The following PCDH15 variants were observed in gnomAD, a reference collection of about 807,000 sequenced individuals.
The protein encoded by PCDH15 is protocadherin related 15.
Under a neutral mutation model 178.5 loss-of-function variants are expected in PCDH15, and 129 were observed. The ratio of observed to expected loss-of-function variants is 0.72; its 90% CI spans 0.63 to 0.84. The LOEUF (loss-of-function observed/expected upper bound fraction) is 0.84, where lower values mean the gene tolerates loss of function less well. Among genes scored for constraint, PCDH15 ranks in the 40% least tolerant of loss-of-function variants. The pLI is 0.00. For missense variants in PCDH15, 2,230 were observed against 2,099.9 expected (o/e 1.06, Z -1.21); for synonymous variants, 800 against 732.0 (o/e 1.09, Z -1.50).
Position 55,040,315 on chromosome 10 carries a change from G to A in PCDH15, c.-80+126261C>T, listed in dbSNP as rs74136334. The stretch of plus-strand genomic sequence containing the variant: ...AAAGAAAACAGACAGGCTGACACAG[G>A]CTTGAAAGAATGGTGGGCACTCTCC... On this transcript the variant is annotated intron_variant, in intron 2 of 5. Coordinates refer to the PCDH15 transcript ENST00000458638. Among the ~76,000 whole-genome samples the A allele has an allele frequency of 4.9e-3, 748 of 152,092 alleles. 3 individuals are homozygous for A. Among genetic ancestry groups the A allele is most frequent in the African/African-American group, 0.017 (717 of 41,492 alleles).
At chr10:54,294,958 A>G (rs1015641214) in intron 8 of PCDH15, among the ~76,000 whole-genome samples, 1 of 152,194 alleles carries the variant, frequency 6.6e-6, no homozygotes, top group African/African-American at 2.4e-5. Context: ...AGTTGGTGCA[A>G]GTATGCCTAT....
intron 2 of PCDH15, among the ~76,000 whole-genome samples, chr10:55,616,103 G>A (rs185342357): frequency 6.5e-4 from 99 of 152,250 alleles, no homozygotes; most frequent in South Asian, 2.1e-3. Flanking sequence ...CCATTACCAT[G>A]CAGCAAAGTT....
intron 2 of PCDH15, among the ~76,000 whole-genome samples, chr10:54,906,336 A>AT (rs543952555): frequency 1.3e-5 from 2 of 152,168 alleles, no homozygotes; most frequent in East Asian, 3.9e-4. Context: ...CGATTAGATT[A>AT]TTTTTTTATT....
At chr10:55,186,138 T>C (rs899738635) in intron 1 of PCDH15, among the ~76,000 whole-genome samples, 3 of 151,526 alleles carry the variant, frequency 2.0e-5, no homozygotes, top group Admixed American at 1.3e-4. Flanking sequence ...AATTAAAATT[T>C]ATAAGACTAT....
chr10:54,454,704 A>T (rs1250205027), intron 3 of PCDH15, among the ~76,000 whole-genome samples: 1 of 152,192 alleles, frequency 6.6e-6, no homozygotes, highest in Non-Finnish European at 1.5e-5. Flanking sequence ...AAAGAAACCC[A>T]GACACACATT....
intron 11 of PCDH15, among the ~76,000 whole-genome samples, chr10:54,187,961 A>G (rs1466358593): frequency 6.6e-6 from 1 of 151,836 alleles, no homozygotes; most frequent in African/African-American, 2.4e-5. Flanking sequence ...TTATGTTCCA[A>G]ATATTACAGC....
chr10:54,218,571 G>A (rs1032401031), intron 9 of PCDH15, among the ~76,000 whole-genome samples: 2 of 152,166 alleles, frequency 1.3e-5, no homozygotes, highest in African/African-American at 2.4e-5. Flanking sequence ...GAAAGGCCAT[G>A]TGAAGACACA....
chr10:54,296,320 A>T (rs56289006), intron 8 of PCDH15, among the ~76,000 whole-genome samples: 2 of 151,586 alleles, frequency 1.3e-5, no homozygotes, highest in Non-Finnish European at 2.9e-5. Context: ...AGCCGAGGGT[A>T]GACAGAGTGG....
At chr10:54,490,340 C>A (rs1237821228) in intron 3 of PCDH15, among the ~76,000 whole-genome samples, 2 of 151,940 alleles carry the variant, frequency 1.3e-5, no homozygotes, top group Non-Finnish European at 2.9e-5. Flanking sequence ...GTCCCAACTA[C>A]TCGGGAGGCT....
At chr10:55,325,472 G>T (rs1341992697) in intron 2 of PCDH15, among the ~76,000 whole-genome samples, 9 of 152,066 alleles carry the variant, frequency 5.9e-5, no homozygotes, top group African/African-American at 2.2e-4. Context: ...ATGGGGAAAG[G>T]ATTCCCTATT....
intron 25 of PCDH15, among the ~76,000 whole-genome samples, chr10:53,929,793 TA>T (rs2084883497): frequency 6.6e-6 from 1 of 152,254 alleles, no homozygotes; most frequent in African/African-American, 2.4e-5. Flanking sequence ...ATTGAAAGTC[TA>T]GTTATTGAAT....
intron 3 of PCDH15, among the ~76,000 whole-genome samples, chr10:54,458,977 G>A (rs1001280289): frequency 6.6e-6 from 1 of 152,064 alleles, no homozygotes; most frequent in Non-Finnish European, 1.5e-5. Flanking sequence ...TTCCTGGTGG[G>A]ATCCACTGCA....
intron 1 of PCDH15, among the ~76,000 whole-genome samples, chr10:54,704,497 C>T (rs1191475710): frequency 6.6e-6 from 1 of 151,980 alleles, no homozygotes; most frequent in Non-Finnish European, 1.5e-5. Flanking sequence ...AAATAAACAA[C>T]CCATTAAAAA....
chr10:55,048,041 C>G (rs1282985617), intron 2 of PCDH15, among the ~76,000 whole-genome samples: 1 of 151,672 alleles, frequency 6.6e-6, no homozygotes, highest in Non-Finnish European at 1.5e-5. Context: ...ACACATTAGC[C>G]GAAGAAAGAT....
At chr10:55,107,481 T>A (rs1490311286) in intron 2 of PCDH15, among the ~76,000 whole-genome samples, 1 of 148,336 alleles carries the variant, frequency 6.7e-6, no homozygotes, top group Non-Finnish European at 1.5e-5. Flanking sequence ...TGTATTCTCT[T>A]TCCTTTTTTT....
Position 55,466,041 on chromosome 10 carries a change from T to C in PCDH15, c.-156+161584A>G, listed in dbSNP as rs1347018135. On this transcript the variant is annotated intron_variant, in intron 2 of 5. Transcript: ENST00000613346. ...GTGAGCTCTGCCTTTCCTTAGACAG[T>C]GGGGGTATAATGATTACCTCTAGAA... 2.0e-5 allele frequency among the ~76,000 whole-genome samples: 3 copies of C among 152,200 alleles called. No individual in the cohort carries two copies. In the East Asian group the frequency reaches 5.8e-4, roughly 29 times the overall value.
intron 2 of PCDH15, among the ~76,000 whole-genome samples, chr10:55,582,628 A>ATATATATATATATATTTTT (rs780312007): frequency 2.9e-5 from 2 of 69,030 alleles, no homozygotes; most frequent in African/African-American, 1.3e-4. Flanking sequence ...ATATATATAT[A>ATATATATATATATATTTTT]TTTTTTTTTT....
intron 1 of PCDH15, among the ~76,000 whole-genome samples, chr10:54,790,720 T>C (rs527554695): frequency 1.8e-4 from 27 of 151,990 alleles, no homozygotes; most frequent in Admixed American, 3.9e-4. Flanking sequence ...TATGTTTCCA[T>C]TGCCTACATA....
intron 1 of PCDH15, among the ~76,000 whole-genome samples, chr10:55,274,852 A>G (rs1177304774): frequency 6.6e-6 from 1 of 151,982 alleles, no homozygotes; most frequent in Admixed American, 6.6e-5. Context: ...TGCAGTTCAA[A>G]ATAGGGTCCC....
Sources: gnomAD v4.1 joint callset for allele counts (sites outside exome capture counted in the v4.1 genomes callset) on GRCh38, gnomAD v4.1.1 for gene constraint, MANE v1.5 for transcripts, NCBI Gene and HGNC (gene_info 2026-07-23, HGNC 2026-07-21) for gene names.